Variants in DCLRE1C observed in about 807,000 individuals in gnomAD.
DCLRE1C encodes the protein protein artemis.
DCLRE1C carries 47 observed loss-of-function variants against 61.4 expected under a neutral mutation model. The ratio of observed to expected loss-of-function variants is 0.77; its 90% confidence interval spans 0.61 to 0.98. DCLRE1C has a LOEUF of 0.98. Among genes scored for constraint, DCLRE1C ranks in the 50% least tolerant of loss-of-function variants. The pLI, the probability that DCLRE1C is intolerant of heterozygous loss-of-function variation, is 0.00. For synonymous variants in DCLRE1C, 337 were observed against 287.6 expected, an observed-to-expected ratio of 1.17 and a Z score of -1.74; for missense variants, 858 against 816.0, an observed-to-expected ratio of 1.05 and a Z score of -0.63.
At chr10:14,949,657 C>T (rs537067130) in intron 1 of DCLRE1C, among the ~76,000 whole-genome samples, 6 of 152,314 alleles carry the variant, frequency 3.9e-5, no homozygotes, top group Non-Finnish European at 7.3e-5. Flanking sequence ...GCAATTAGAC[C>T]GACTATTACA....
intron 13 of DCLRE1C, among the ~76,000 whole-genome samples, chr10:14,913,466 A>T (rs998386280): frequency 2.0e-5 from 3 of 152,222 alleles, no homozygotes; most frequent in African/African-American, 7.2e-5. Context: ...AGAATGTATG[A>T]CAATAACAGC....
chr10:14,900,912 A>G (rs897719486), downstream of DCLRE1C, among the ~76,000 whole-genome samples: 2 of 152,356 alleles, frequency 1.3e-5, no homozygotes, highest in African/African-American at 4.8e-5. Context: ...TAGTGGATAC[A>G]TAGGGATTTC....
chr10:14,919,050 G>C (rs550367794), intron 13 of DCLRE1C, among the ~76,000 whole-genome samples: 1 of 151,996 alleles, frequency 6.6e-6, no homozygotes, highest in Admixed American at 6.6e-5. Flanking sequence ...CCATTAATAG[G>C]TGTTCAAAAA....
intron 13 of DCLRE1C, among the ~76,000 whole-genome samples, chr10:14,914,387 A>G (rs75337730): frequency 0.012 from 1,841 of 152,312 alleles, 31 homozygotes; most frequent in African/African-American, 0.041. Flanking sequence ...GCAAATGCCA[A>G]TAGAACTAAT....
chr10:14,932,855 T>A lies in DCLRE1C; in HGVS notation c.779A>T (p.Lys260Met). The change falls in exon 9 of 14, where the codon AAG (lysine) becomes ATG (methionine). Residue 260 changes from lysine to methionine, a missense_variant and splice_region_variant. This residue lies in a region of DCLRE1C where 843 missense variants were observed against 783.5 expected (regional missense o/e 1.08). Transcript: ENST00000378278. Reference protein sequence around the residue: ...NTQIHACRHPKAEEYFQWSKL... With the variant: ...NTQIHACRHPMAEEYFQWSKL... Reference sequence around the variant, plus strand: ...GAGAGGAATCACTTGCACACGTACCTTGGGATGCCGGCATGCATGGATCTG... The same window carrying A: ...GAGAGGAATCACTTGCACACGTACCATGGGATGCCGGCATGCATGGATCTG... 2 of 1,614,150 alleles carry A rather than the reference T, an allele frequency of 1.2e-6. No homozygotes were observed. The highest frequency in any genetic ancestry group is 1.7e-6 in the Non-Finnish European group (2 of 1,179,992).
intron 9 of DCLRE1C, among the ~76,000 whole-genome samples, chr10:14,931,685 TG>T (rs1475760129): frequency 4.6e-5 from 7 of 152,060 alleles, no homozygotes; most frequent in Non-Finnish European, 8.8e-5. Context: ...AAAAAAGTTA[TG>T]TCTAGATATT....
intron 13 of DCLRE1C, among the ~76,000 whole-genome samples, chr10:14,913,021 A>G (rs1438658938): frequency 6.8e-6 from 1 of 146,976 alleles, no homozygotes; most frequent in Admixed American, 6.8e-5. Flanking sequence ...ACACCTGGCT[A>G]ATTTTTTGTG....
intron 13 of DCLRE1C, among the ~76,000 whole-genome samples, chr10:14,910,848 C>T (rs149555663): frequency 6.6e-5 from 10 of 152,242 alleles, no homozygotes; most frequent in African/African-American, 1.9e-4. Flanking sequence ...AAATGGACAT[C>T]GAGCAATTAA....
intron 13 of DCLRE1C, among the ~76,000 whole-genome samples, chr10:14,918,722 G>A (rs1233691366): frequency 6.6e-6 from 1 of 151,866 alleles, no homozygotes; most frequent in Non-Finnish European, 1.5e-5. Flanking sequence ...TAATGGAACT[G>A]TTTTTCTAAA....
At chr10:14,913,845 G>C (rs536056402) in intron 13 of DCLRE1C, among the ~76,000 whole-genome samples, 4 of 152,028 alleles carry the variant, frequency 2.6e-5, no homozygotes, top group South Asian at 2.1e-4. Context: ...GGTACTCTTG[G>C]GGGGGTCCTG....
At position 14,925,853 on chromosome 10, in the gene DCLRE1C, C is replaced by G. The variant is rs185826283; in HGVS notation, c.972+990G>C. Reference sequence around the variant, plus strand: ...CGATATGGTTTGGCTGCGTCCCTACCCAAATTTCATCTTGAACTGTAGCTT... The same window carrying G: ...CGATATGGTTTGGCTGCGTCCCTACGCAAATTTCATCTTGAACTGTAGCTT... On this transcript the variant is annotated intron_variant, in intron 11 of 13. Coordinates refer to ENST00000378278, the MANE Select transcript of DCLRE1C (RefSeq NM_001033855.3). Among the ~76,000 whole-genome samples, 144 of 152,266 alleles carry G rather than the reference C, an allele frequency of 9.5e-4. 1 individual carries two copies. The highest frequency in any genetic ancestry group is 3.4e-3 in the Middle Eastern group (1 of 294).
intron 1 of DCLRE1C, among the ~76,000 whole-genome samples, chr10:14,950,739 C>T (rs879352279): frequency 6.6e-5 from 10 of 152,242 alleles, no homozygotes; most frequent in Admixed American, 2.6e-4. Context: ...AAGCAGGCAG[C>T]ACCCTGCATG....
Position 14,936,525 on chromosome 10 carries a change from A to T in DCLRE1C, c.362+13T>A. The T allele has an allele frequency of 6.2e-7, 1 of 1,606,336 alleles. No individual in the cohort carries two copies. The highest frequency in any genetic ancestry group is 8.5e-7 in the Non-Finnish European group (1 of 1,173,164). On this transcript the variant is annotated intron_variant, in intron 5 of 13. Coordinates refer to ENST00000378278, the MANE Select transcript of DCLRE1C (RefSeq NM_001033855.3). ...TACATATAATAAAATGACAAAATAA[A>T]TGACCCCCTTACATAACTGATCCCG... is the stretch of plus-strand genomic sequence containing the variant.
chr10:14,941,091 T>C (rs1840778134), intron 3 of DCLRE1C, among the ~76,000 whole-genome samples: 1 of 152,164 alleles, frequency 6.6e-6, no homozygotes, highest in Non-Finnish European at 1.5e-5. Context: ...TTGGCCAGAC[T>C]GGTCTCGAAC....
rs534826587 is a variant in DCLRE1C, at chr10:14,912,729, G to A, written c.1157-3399C>T. 1.7e-3 allele frequency among the ~76,000 whole-genome samples: 261 copies of A among 152,238 alleles called. 1 individual carries two copies. The Middle Eastern group carries it at 0.02, about 12-fold the overall frequency. On this transcript the variant is annotated intron_variant, in intron 13 of 13. Coordinates refer to ENST00000378278, the MANE Select transcript of DCLRE1C (RefSeq NM_001033855.3). ...TTTTGAGACAGAGTCTCGCTCTGTCGCCCACACTGGAGTGCAGTGGTGTGA... is the reference window on the plus strand; with the variant it reads ...TTTTGAGACAGAGTCTCGCTCTGTCACCCACACTGGAGTGCAGTGGTGTGA...
chr10:14,919,079 C>T (rs566578569), intron 13 of DCLRE1C, among the ~76,000 whole-genome samples: 4 of 152,166 alleles, frequency 2.6e-5, no homozygotes, highest in South Asian at 4.2e-4. Flanking sequence ...ATCATTATCT[C>T]GTGTGTTTTG....
At chr10:14,911,704 T>C (rs74592655) in intron 13 of DCLRE1C, among the ~76,000 whole-genome samples, 1 of 152,236 alleles carries the variant, frequency 6.6e-6, no homozygotes, top group African/African-American at 2.4e-5. Context: ...TTCCTAATCA[T>C]GTCAGATAAA....
At position 14,908,397 on chromosome 10, in the gene DCLRE1C, G is replaced by C; in HGVS notation, c.*11C>G. On this transcript the variant is annotated 3_prime_UTR_variant, in exon 14 of 14. Coordinates refer to ENST00000378278, the MANE Select transcript of DCLRE1C (RefSeq NM_001033855.3). ...TTTAGTGGTTGCTCTAGGTTGAAACGCTTTGAATTCTTAGGTATCTAAGAG... is the reference window on the plus strand; with the variant it reads ...TTTAGTGGTTGCTCTAGGTTGAAACCCTTTGAATTCTTAGGTATCTAAGAG... 1 of 1,605,356 alleles carries C rather than the reference G, an allele frequency of 6.2e-7. No individual in the cohort carries two copies. The highest frequency in any genetic ancestry group is 8.5e-7 in the Non-Finnish European group (1 of 1,172,710).
intron 13 of DCLRE1C, among the ~76,000 whole-genome samples, chr10:14,913,831 T>C (rs566905632): frequency 2.0e-5 from 3 of 152,258 alleles, no homozygotes; most frequent in African/African-American, 7.2e-5. Flanking sequence ...CATCTGCAGA[T>C]TTTGGTACTC....
Sources: allele counts gnomAD v4.1 joint callset (sites outside exome capture counted in the v4.1 genomes callset), GRCh38; gene constraint gnomAD v4.1.1; regional missense constraint gnomAD v4.1.1; transcripts MANE v1.5; gene names NCBI Gene and HGNC (gene_info 2026-07-23, HGNC 2026-07-21).